The following PALM2AKAP2 variants were observed in gnomAD, a reference collection of about 807,000 sequenced individuals.
PALM2AKAP2 encodes PALM2 and AKAP2 fusion.
In PALM2AKAP2, 37 loss-of-function variants were observed where a neutral mutation model predicts 71.5. That is an observed-to-expected ratio of 0.52 (90% confidence interval 0.40 to 0.68). The LOEUF (loss-of-function observed/expected upper bound fraction) is 0.68. Ranked by LOEUF, PALM2AKAP2 falls within the 30% of genes least tolerant of loss-of-function variation. The probability of loss-of-function intolerance (pLI) is 0.00; values close to 1 mark genes in which losing one functional copy is unlikely to be tolerated. For synonymous variants in PALM2AKAP2, 468 were observed against 478.8 expected (o/e 0.98, Z 0.29); for missense variants, 1,224 against 1,191.8 (o/e 1.03, Z -0.40).
chr9:109,785,039 T>C (rs905207394), intron 1 of PALM2AKAP2, among the ~76,000 whole-genome samples: 3 of 152,262 alleles, frequency 2.0e-5, no homozygotes, highest in East Asian at 1.9e-4. Context: ...GGTGCTGTTA[T>C]GTCTGCACAT....
intron 1 of PALM2AKAP2, among the ~76,000 whole-genome samples, chr9:109,718,554 C>CT (rs201379073): frequency 0.044 from 6,700 of 151,220 alleles, 185 homozygotes; most frequent in Non-Finnish European, 0.053. Flanking sequence ...TGTCTAACTT[C>CT]TTTTTTTTTA....
At chr9:109,711,922 T>C (rs1343526390) in intron 1 of PALM2AKAP2, among the ~76,000 whole-genome samples, 1 of 152,150 alleles carries the variant, frequency 6.6e-6, no homozygotes, top group Non-Finnish European at 1.5e-5. Context: ...TACTTATTAA[T>C]GAAGACATTC....
At chr9:109,820,139 A>T (rs923306671) in intron 1 of PALM2AKAP2, among the ~76,000 whole-genome samples, 1 of 152,226 alleles carries the variant, frequency 6.6e-6, no homozygotes, top group Non-Finnish European at 1.5e-5. Flanking sequence ...TTTGAATATC[A>T]AAATTGGATT....
At chr9:109,864,778 C>A (rs914533279) in intron 1 of PALM2AKAP2, among the ~76,000 whole-genome samples, 4 of 152,114 alleles carry the variant, frequency 2.6e-5, no homozygotes, top group African/African-American at 9.7e-5. Context: ...TGTATCAGCC[C>A]CTATTAATCC....
chr9:109,676,776 AG>A (rs1205146217), intron 1 of PALM2AKAP2, among the ~76,000 whole-genome samples: 1 of 152,204 alleles, frequency 6.6e-6, no homozygotes, highest in Non-Finnish European at 1.5e-5. Context: ...TCAGAATCCA[AG>A]GGAGAAAAGT....
chr9:109,805,558 G>T (rs754470124), intron 1 of PALM2AKAP2, among the ~76,000 whole-genome samples: 17 of 152,144 alleles, frequency 1.1e-4, no homozygotes, highest in Non-Finnish European at 1.9e-4. Context: ...ATAAAAGTAG[G>T]ATCAAGTCCA....
chr9:109,661,279 G>C (rs1462647837), intron 1 of PALM2AKAP2, among the ~76,000 whole-genome samples: 3 of 152,170 alleles, frequency 2.0e-5, no homozygotes, highest in Non-Finnish European at 2.9e-5. Flanking sequence ...TTTTCTTCTA[G>C]GGTTTTCATG....
At chr9:110,008,121 T>A (rs1476148730) in intron 6 of PALM2AKAP2, among the ~76,000 whole-genome samples, 1 of 152,222 alleles carries the variant, frequency 6.6e-6, no homozygotes, top group Non-Finnish European at 1.5e-5. Context: ...GTTTTGTGGC[T>A]GGCTCTGGGG....
intron 7 of PALM2AKAP2, among the ~76,000 whole-genome samples, chr9:110,023,288 G>A (rs1228846668): frequency 7.0e-6 from 1 of 143,612 alleles, no homozygotes; most frequent in Non-Finnish European, 1.5e-5. Flanking sequence ...GTGTGAGATG[G>A]TATCTCATTG....
At chr9:109,930,483 C>G (rs1398931547) in intron 5 of PALM2AKAP2, among the ~76,000 whole-genome samples, 2 of 152,220 alleles carry the variant, frequency 1.3e-5, no homozygotes, top group East Asian at 3.9e-4. Flanking sequence ...GCCTTGGTCT[C>G]CCAAAGTGCT....
chr9:110,145,102 T>A (rs188290114), intron 2 of PALM2AKAP2, among the ~76,000 whole-genome samples: 2 of 152,212 alleles, frequency 1.3e-5, no homozygotes, highest in Non-Finnish European at 1.5e-5. Context: ...TGCATTTTCC[T>A]GGGTCCTTCT....
intron 1 of PALM2AKAP2, among the ~76,000 whole-genome samples, chr9:110,131,164 T>G (rs1296597771): frequency 6.6e-6 from 1 of 151,910 alleles, no homozygotes; most frequent in Non-Finnish European, 1.5e-5. Flanking sequence ...CCCGATCAAG[T>G]ATGTGAAAGT....
intron 7 of PALM2AKAP2, among the ~76,000 whole-genome samples, chr9:110,018,449 G>A (rs1833019887): frequency 6.6e-6 from 1 of 152,086 alleles, no homozygotes; most frequent in African/African-American, 2.4e-5. Context: ...TCCCACCTCA[G>A]CCTCCCAAGT....
intron 1 of PALM2AKAP2, among the ~76,000 whole-genome samples, chr9:110,122,784 A>C (rs1369365723): frequency 6.6e-6 from 1 of 152,208 alleles, no homozygotes; most frequent in East Asian, 1.9e-4. Context: ...TAACGAAATC[A>C]GGTTACGGCA....
intron 1 of PALM2AKAP2, among the ~76,000 whole-genome samples, chr9:109,860,311 A>G (rs151149140): frequency 1.3e-5 from 2 of 152,216 alleles, no homozygotes; most frequent in East Asian, 1.9e-4. Context: ...TTAGAAAGGT[A>G]ATTATAACCC....
exon 5 of PALM2AKAP2, chr9:109,925,075 G>C: frequency 6.2e-7 from 1 of 1,614,122 alleles, no homozygotes; most frequent in East Asian, 2.2e-5. Flanking sequence ...TCTCCAGTAC[G>C]GATGGAGGTA....
chr9:110,067,922 G>A lies in PALM2AKAP2; in HGVS notation c.156+19067G>A, dbSNP rs1465129314. On this transcript the variant is annotated intron_variant, in intron 1 of 3. Transcript: ENST00000374525. ...AACATGAAACTTGGAGGTTAATTTT[G>A]TCTGTTTAAATTTTGATGCTTTCAT... is the stretch of plus-strand genomic sequence containing the variant. Among the ~76,000 whole-genome samples, 2 of 141,984 alleles carry A rather than the reference G, an allele frequency of 1.4e-5. 1 individual carries two copies. The highest frequency in any genetic ancestry group is 6.2e-5 in the African/African-American group (2 of 32,476). The allele number at this position is 141,984 out of a possible 152,430, so 93.1% of individuals were successfully genotyped here.
At position 110,152,788 on chromosome 9, in the gene PALM2AKAP2, C is replaced by A. The variant is rs545713193; in HGVS notation, c.2570-3531C>A. ...CAGCCTTTTGGCAGCCTGTGTGATT[C>A]CTAAGATGGCACCCAGAATTCTGGT... On this transcript the variant is annotated intron_variant, in intron 2 of 3. Transcript: ENST00000374525. Among the ~76,000 whole-genome samples, 15 of 152,276 alleles carry A rather than the reference C, an allele frequency of 9.9e-5. No individual in the cohort carries two copies. In the East Asian group the frequency reaches 2.9e-3, roughly 29 times the overall value.
chr9:110,105,095 C>G (rs753185990), intron 1 of PALM2AKAP2, among the ~76,000 whole-genome samples: 14 of 152,210 alleles, frequency 9.2e-5, no homozygotes, highest in Non-Finnish European at 2.1e-4. Flanking sequence ...GCTAGAACCC[C>G]TTTCTAGACT....
Sources: allele counts gnomAD v4.1 joint callset (sites outside exome capture counted in the v4.1 genomes callset), GRCh38; gene constraint gnomAD v4.1.1; transcripts MANE v1.5; gene names NCBI Gene and HGNC (gene_info 2026-07-23, HGNC 2026-07-21).